The following FBXL20 variants were observed in gnomAD, a reference collection of about 807,000 sequenced individuals.
The protein encoded by FBXL20 is F-box and leucine rich repeat protein 20.
In FBXL20, 11 loss-of-function variants were observed where a neutral mutation model predicts 64.0. The observed-to-expected ratio is 0.17, with a 90% CI of 0.11 to 0.28. FBXL20 has a LOEUF of 0.28. FBXL20 is among the 10% of genes least tolerant of loss of function. The probability of loss-of-function intolerance (pLI) is 1.00; values close to 1 mark genes in which losing one functional copy is unlikely to be tolerated. For synonymous variants in FBXL20, 184 were observed against 189.0 expected (o/e 0.97, Z 0.22); for missense variants, 303 against 526.2 (o/e 0.58, Z 4.15).
In FBXL20 at chr17:39,272,115, G is replaced by A. The variant is rs1342828767; in HGVS notation, c.828-1259C>T. 5.3e-5 allele frequency among the ~76,000 whole-genome samples: 8 copies of A among 152,088 alleles called. No individual in the cohort carries two copies. In the South Asian group the frequency reaches 6.2e-4, roughly 12 times the overall value. ...AAATTTTTAAATTCTGTCCGGGCGC[G>A]GTGACTCACGCCTGTAATCCCTGCA... On this transcript the variant is annotated intron_variant, in intron 10 of 14. Coordinates refer to ENST00000264658, the MANE Select transcript of FBXL20 (RefSeq NM_032875.3).
In FBXL20 at chr17:39,396,592, G is replaced by A. The variant is rs371562587; in HGVS notation, c.42+4769C>T. Among the ~76,000 whole-genome samples, 117 of 125,128 alleles carry A rather than the reference G, an allele frequency of 9.4e-4. 1 individual carries two copies. The highest frequency in any genetic ancestry group is 3.8e-3 in the African/African-American group (113 of 29,728). 82.1% of individuals were successfully genotyped at this position (125,128 alleles called of 152,430 possible). On this transcript the variant is annotated intron_variant, in intron 1 of 14. Coordinates refer to ENST00000264658, the MANE Select transcript of FBXL20 (RefSeq NM_032875.3). ...ACCTGGGCGACAAAAGCGAAACTCC[G>A]TCTCAAAAAAAAAAAAAAAGAAAGA...
intron 1 of FBXL20, among the ~76,000 whole-genome samples, chr17:39,380,330 C>T (rs755162050): frequency 3.3e-5 from 5 of 152,156 alleles, no homozygotes; most frequent in Non-Finnish European, 7.4e-5. Flanking sequence ...CCACCACCAC[C>T]CTGTTCCGAA....
chr17:39,396,819 T>C (rs1226514417), intron 1 of FBXL20, among the ~76,000 whole-genome samples: 1 of 151,502 alleles, frequency 6.6e-6, no homozygotes, highest in Non-Finnish European at 1.5e-5. Flanking sequence ...TAGCCGGGCA[T>C]GGCAGCAGGC....
intron 1 of FBXL20, among the ~76,000 whole-genome samples, chr17:39,387,030 A>C (rs2048087868): frequency 6.6e-6 from 1 of 152,206 alleles, no homozygotes; most frequent in South Asian, 2.1e-4. Flanking sequence ...GGTTTAACTT[A>C]AGATTTTTTG....
chr17:39,312,872 G>A (rs900024458), intron 2 of FBXL20, among the ~76,000 whole-genome samples: 18 of 148,748 alleles, frequency 1.2e-4, no homozygotes, highest in African/African-American at 2.7e-4. Context: ...CACTGTGCCC[G>A]GCCTAAATTC....
At chr17:39,320,592 ATTTT>A (rs916741667) in intron 2 of FBXL20, among the ~76,000 whole-genome samples, 3 of 137,666 alleles carry the variant, frequency 2.2e-5, no homozygotes, top group South Asian at 2.3e-4. Context: ...TCTAGTATGA[ATTTT>A]TTTTTTTTTT....
intron 3 of FBXL20, among the ~76,000 whole-genome samples, chr17:39,301,728 G>C (rs1006777419): frequency 6.7e-6 from 1 of 148,684 alleles, no homozygotes; most frequent in African/African-American, 2.5e-5. Flanking sequence ...ACTTCATCTG[G>C]GGGGGAAAAA....
intron 1 of FBXL20, among the ~76,000 whole-genome samples, chr17:39,368,335 T>G (rs1456275402): frequency 6.6e-6 from 1 of 151,984 alleles, no homozygotes; most frequent in Non-Finnish European, 1.5e-5. Flanking sequence ...AAGGCTGCAG[T>G]GAACTATGAT....
chr17:39,338,578 ATGTAGT>A (rs2047551861), intron 2 of FBXL20, among the ~76,000 whole-genome samples: 1 of 152,232 alleles, frequency 6.6e-6, no homozygotes, highest in Non-Finnish European at 1.5e-5. Context: ...ACAATGTATA[ATGTAGT>A]CTCAATGTAG....
chr17:39,285,593 G>A lies in FBXL20; in HGVS notation c.399-20C>T. 6.7e-7 allele frequency: 1 copy of A among 1,495,694 alleles called. No individual in the cohort carries two copies. The allele number at this position is 1,495,694 out of a possible 1,614,324, so 92.7% of individuals were successfully genotyped here. ...CATGTACTGAAAAATGGAAAAAGGA[G>A]AAAATAATGAATAAACAAGACAAGT... On this transcript the variant is annotated intron_variant, in intron 6 of 14. Transcript: ENST00000264658.
chr17:39,389,808 ACT>A (rs929380080), intron 1 of FBXL20, among the ~76,000 whole-genome samples: 3 of 152,110 alleles, frequency 2.0e-5, no homozygotes, highest in African/African-American at 7.2e-5. Context: ...ACAGAGTGAG[ACT>A]CTGTCTCTAA....
At chr17:39,329,460 T>C (rs2047439932) in intron 2 of FBXL20, among the ~76,000 whole-genome samples, 1 of 152,088 alleles carries the variant, frequency 6.6e-6, no homozygotes, top group Non-Finnish European at 1.5e-5. Context: ...TTTTCCCCCT[T>C]TACTATAAAG....
At position 39,347,409 on chromosome 17, in the gene FBXL20, A is replaced by G. The variant is rs1567890738; in HGVS notation, c.43-4168T>C. Among the ~76,000 whole-genome samples, 3 of 152,032 alleles carry G rather than the reference A, an allele frequency of 2.0e-5. No individual in the cohort carries two copies. In the South Asian group the frequency reaches 6.2e-4, roughly 31 times the overall value. ...AACTGGTGTGAGATGGTATCTCATT[A>G]TGGTTTTGATTTGCATTTCTCTGAT... On this transcript the variant is annotated intron_variant, in intron 1 of 14. Transcript: ENST00000264658.
chr17:39,362,428 C>CAT (rs1464175252), intron 1 of FBXL20, among the ~76,000 whole-genome samples: 1 of 152,208 alleles, frequency 6.6e-6, no homozygotes, highest in Non-Finnish European at 1.5e-5. Flanking sequence ...GGCAAGACCC[C>CAT]ATCTCCTGCC....
At chr17:39,348,458 CA>C (rs376821525) in intron 1 of FBXL20, among the ~76,000 whole-genome samples, 1 of 122,944 alleles carries the variant, frequency 8.1e-6, no homozygotes, top group Admixed American at 7.8e-5. Flanking sequence ...GACTCCGTCT[CA>C]AAAAAAAGAA....
intron 1 of FBXL20, among the ~76,000 whole-genome samples, chr17:39,382,490 A>C (rs1431111689): frequency 2.6e-5 from 4 of 152,076 alleles, no homozygotes; most frequent in Non-Finnish European, 5.9e-5. Context: ...CCTTAGTTCA[A>C]AACAGACTTA....
intron 1 of FBXL20, among the ~76,000 whole-genome samples, chr17:39,372,104 T>C (rs1014029460): frequency 6.6e-6 from 1 of 152,184 alleles, no homozygotes; most frequent in South Asian, 2.1e-4. Context: ...TTACTATTTC[T>C]TTCTCTTTTC....
At chr17:39,370,021 G>A (rs1278206871) in intron 1 of FBXL20, among the ~76,000 whole-genome samples, 2 of 152,010 alleles carry the variant, frequency 1.3e-5, no homozygotes, top group Non-Finnish European at 2.9e-5. Flanking sequence ...GATCATTTGA[G>A]CCCAGGAGTT....
At position 39,259,988 on chromosome 17, in the gene FBXL20, A is replaced by G. The variant is rs2046731107; in HGVS notation, c.*1472T>C. 6.6e-6 allele frequency: 1 copy of G among 151,188 alleles called. No homozygotes were observed. The highest frequency in any genetic ancestry group is 1.5e-5 in the Non-Finnish European group (1 of 67,792). The allele number at this position is 151,188 out of a possible 1,614,324, so 9.4% of individuals were successfully genotyped here. Reference sequence around the variant, plus strand: ...AAGAGTGAGAACCCGTCTTAAAAAAAAAAAAAAAAAAAAAAAAAGACTGGG... The same window carrying G: ...AAGAGTGAGAACCCGTCTTAAAAAAGAAAAAAAAAAAAAAAAAAGACTGGG... On this transcript the variant is annotated 3_prime_UTR_variant, in exon 15 of 15. Coordinates refer to ENST00000264658, the MANE Select transcript of FBXL20 (RefSeq NM_032875.3).
Sources: allele counts gnomAD v4.1 joint callset (sites outside exome capture counted in the v4.1 genomes callset), GRCh38; gene constraint gnomAD v4.1.1; transcripts MANE v1.5; gene names NCBI Gene and HGNC (gene_info 2026-07-23, HGNC 2026-07-21).